CATSPERE: variants seen among roughly 807,000 people sequenced by gnomAD.
The protein encoded by CATSPERE is cation channel sperm-associated auxiliary subunit epsilon.
A neutral mutation model predicts 114.1 loss-of-function variants in CATSPERE; 93 were observed. The ratio of observed to expected loss-of-function variants is 0.81; its 90% confidence interval spans 0.69 to 0.97. CATSPERE has a LOEUF of 0.97. Among genes scored for constraint, CATSPERE ranks in the 50% least tolerant of loss-of-function variants. The pLI, the probability that CATSPERE is intolerant of heterozygous loss-of-function variation, is 0.00. For missense variants in CATSPERE, 1,058 were observed against 1,131.6 expected (o/e 0.93, Z 0.93); for synonymous variants, 341 against 384.1 (o/e 0.89, Z 1.31).
intron 6 of CATSPERE, among the ~76,000 whole-genome samples, chr1:244,491,778 T>C (rs1201747086): frequency 6.6e-5 from 10 of 151,698 alleles, no homozygotes; most frequent in East Asian, 5.8e-4. Context: ...ACCGATCCCA[T>C]AGAAATACAA....
At chr1:244,540,770 A>G (rs1179812398) in intron 8 of CATSPERE, among the ~76,000 whole-genome samples, 2 of 118,940 alleles carry the variant, frequency 1.7e-5, no homozygotes, top group Non-Finnish European at 3.6e-5. Flanking sequence ...ACAAGGCTAC[A>G]GTAACCAAAA....
intron 10 of CATSPERE, among the ~76,000 whole-genome samples, chr1:244,571,867 C>T (rs772837131): frequency 3.3e-5 from 5 of 151,944 alleles, no homozygotes; most frequent in Admixed American, 2.0e-4. Context: ...CTTATAAGGG[C>T]GCCAGTTCTG....
intron 6 of CATSPERE, among the ~76,000 whole-genome samples, chr1:244,496,831 G>T (rs982539007): frequency 6.6e-6 from 1 of 152,186 alleles, no homozygotes; most frequent in Non-Finnish European, 1.5e-5. Flanking sequence ...GAAATACACA[G>T]TGAAGCCTTC....
In CATSPERE at chr1:244,575,220, G is replaced by C. The variant is rs1261272455; in HGVS notation, c.1950+2448G>C. On this transcript the variant is annotated intron_variant, in intron 11 of 21. Coordinates refer to ENST00000366534, the MANE Select transcript of CATSPERE (RefSeq NM_001130957.2). This position sits in a 1 kb window ranked among gnomAD's most constrained non-coding sequence, Gnocchi z 4.5. Reference sequence around the variant, plus strand: ...GTTTCTTGGGCTGGGTGGGATCCTTGTGGCCACAGCCCAGGCCCCGGGCTG... The same window carrying C: ...GTTTCTTGGGCTGGGTGGGATCCTTCTGGCCACAGCCCAGGCCCCGGGCTG... Among the ~76,000 whole-genome samples, 1 of 152,140 alleles carries C rather than the reference G, an allele frequency of 6.6e-6. No homozygotes were observed. The highest frequency in any genetic ancestry group is 1.5e-5 in the Non-Finnish European group (1 of 68,022).
chr1:244,528,785 C>CCACACACGCACACACACA (rs749801424), intron 8 of CATSPERE, among the ~76,000 whole-genome samples: 1 of 130,536 alleles, frequency 7.7e-6, no homozygotes, highest in Non-Finnish European at 1.6e-5. Flanking sequence ...CAATCCCCCA[C>CCACACACGCACACACACA]CACACACACA....
At chr1:244,589,060 T>C (rs2148636741) in intron 14 of CATSPERE, among the ~76,000 whole-genome samples, 1 of 152,370 alleles carries the variant, frequency 6.6e-6, no homozygotes. Flanking sequence ...TCGGTTCTAC[T>C]ATGGTTCATG....
intron 8 of CATSPERE, among the ~76,000 whole-genome samples, chr1:244,546,254 C>A (rs1659735472): frequency 6.6e-6 from 1 of 152,126 alleles, no homozygotes; most frequent in South Asian, 2.1e-4. Context: ...CTTAAGGTGC[C>A]CCCCAGTGTT....
intron 7 of CATSPERE, among the ~76,000 whole-genome samples, chr1:244,502,076 G>A (rs138097293): frequency 1.1e-3 from 163 of 152,084 alleles, no homozygotes; most frequent in Non-Finnish European, 2.0e-3. Flanking sequence ...TGCCATAACC[G>A]AATCAGGGCT....
chr1:244,553,632 C>T (rs1558485090), intron 9 of CATSPERE, among the ~76,000 whole-genome samples: 2 of 146,118 alleles, frequency 1.4e-5, no homozygotes, highest in African/African-American at 5.3e-5. Context: ...CACACACACA[C>T]ACACACACAC....
intron 10 of CATSPERE, among the ~76,000 whole-genome samples, chr1:244,562,806 A>C (rs1416924250): frequency 1.3e-5 from 2 of 152,116 alleles, no homozygotes; most frequent in Non-Finnish European, 1.5e-5. Flanking sequence ...ACATAGGTAT[A>C]CACGTGCCAT....
upstream of CATSPERE, among the ~76,000 whole-genome samples, chr1:244,458,735 A>C (rs1471785194): frequency 6.6e-6 from 1 of 152,236 alleles, no homozygotes; most frequent in Non-Finnish European, 1.5e-5. Flanking sequence ...ACTATTTGTG[A>C]ATATTCTCAA....
At chr1:244,523,592 C>T (rs199544023) in intron 8 of CATSPERE, among the ~76,000 whole-genome samples, 161 of 139,408 alleles carry the variant, frequency 1.2e-3, no homozygotes, top group Non-Finnish European at 1.6e-3. Context: ...AAAACCCCAT[C>T]GTCTCAGCCC....
At chr1:244,590,171 G>A (rs181077715) in intron 14 of CATSPERE, among the ~76,000 whole-genome samples, 221 of 152,260 alleles carry the variant, frequency 1.5e-3, no homozygotes, top group African/African-American at 5.2e-3. Flanking sequence ...AAAATGGTCA[G>A]ATGAATAATT....
In CATSPERE at chr1:244,553,283, C is replaced by T. The variant is rs75493970; in HGVS notation, c.1029+469C>T. Among the ~76,000 whole-genome samples, 963 of 151,978 alleles carry T rather than the reference C, an allele frequency of 6.3e-3. 5 individuals carry two copies. Among genetic ancestry groups the T allele is most frequent in the Non-Finnish European group, 8.2e-3 (558 of 67,988 alleles). On this transcript the variant is annotated intron_variant, in intron 9 of 21. Transcript: ENST00000366534. ...AAATGTTAAAAATATTGTTGCTGGCCGGGCGCGGTGGCTCACACCTGTAAT... is the reference window on the plus strand; with the variant it reads ...AAATGTTAAAAATATTGTTGCTGGCTGGGCGCGGTGGCTCACACCTGTAAT...
intron 11 of CATSPERE, among the ~76,000 whole-genome samples, chr1:244,580,238 A>T: frequency 7.0e-6 from 1 of 142,090 alleles, no homozygotes. Flanking sequence ...TTTTTAGTAG[A>T]GACAGGGTTT....
At position 244,552,687 on chromosome 1, in the gene CATSPERE, T is replaced by C. The variant is rs147127314; in HGVS notation, c.902T>C (p.Ile301Thr). The change falls in exon 9 of 22, where the codon ATA becomes ACA. Residue 301 changes from isoleucine to threonine, a missense_variant. By Grantham distance (89) the Ile-to-Thr change is moderately conservative (BLOSUM62 -1). This residue lies in a region of CATSPERE where 787 missense variants were observed against 905.6 expected (regional missense o/e 0.87). Transcript: ENST00000366534. ...ILSRDGIVFL[I>T]NGVLYIKSFR... The stretch of plus-strand genomic sequence containing the variant: ...TCGCGGGATGGAATCGTTTTTCTTA[T>C]AAATGGTGTTCTTTACATAAAGAGT... The C allele has an allele frequency of 3.1e-6, 5 of 1,614,070 alleles. No homozygotes were observed. The highest frequency in any genetic ancestry group is 1.3e-5 in the African/African-American group (1 of 74,928).
intron 7 of CATSPERE, 35 bp from the exon 8 acceptor site, chr1:244,518,557 A>T: frequency 7.8e-7 from 1 of 1,275,116 alleles, no homozygotes; most frequent in South Asian, 1.2e-5. Flanking sequence ...TAGCTATGAA[A>T]ATAATAAAAA....
intron 8 of CATSPERE, among the ~76,000 whole-genome samples, chr1:244,538,617 G>C (rs1245535676): frequency 6.6e-6 from 1 of 152,296 alleles, no homozygotes; most frequent in East Asian, 1.9e-4. Flanking sequence ...CATATTCAAA[G>C]GGTAAGAGAA....
intron 5 of CATSPERE, among the ~76,000 whole-genome samples, chr1:244,489,098 C>A (rs553582329): frequency 6.6e-6 from 1 of 152,130 alleles, no homozygotes; most frequent in Non-Finnish European, 1.5e-5. Flanking sequence ...AAACATACAA[C>A]TAAACATACA....
Sources: gnomAD v4.1 joint callset for allele counts (sites outside exome capture counted in the v4.1 genomes callset) on GRCh38, gnomAD v4.1.1 for gene constraint, gnomAD v4.1.1 regional missense constraint, Gnocchi (gnomAD v3.1) non-coding constraint, MANE v1.5 for transcripts, NCBI Gene and HGNC (gene_info 2026-07-23, HGNC 2026-07-21) for gene names.